KIF2A: variants seen among roughly 807,000 people sequenced by gnomAD.
KIF2A encodes the protein kinesin-like protein KIF2A.
In KIF2A, 22 loss-of-function variants were observed where a neutral mutation model predicts 100.2. The ratio of observed to expected loss-of-function variants is 0.22; its 90% CI spans 0.16 to 0.31. The LOEUF is 0.31. Ranked by LOEUF, KIF2A falls within the 10% of genes least tolerant of loss-of-function variation. The pLI, the probability that KIF2A is intolerant of heterozygous loss-of-function variation, is 1.00. For synonymous variants in KIF2A, 268 were observed against 285.9 expected (o/e 0.94, Z 0.63); for missense variants, 495 against 898.7 (o/e 0.55, Z 5.74).
chr5:62,341,583 T>G (rs1490782401), intron 1 of KIF2A, among the ~76,000 whole-genome samples: 3 of 152,164 alleles, frequency 2.0e-5, no homozygotes, highest in Non-Finnish European at 4.4e-5. Context: ...ATCACAGGTG[T>G]GAGCCACTGT....
intron 1 of KIF2A, among the ~76,000 whole-genome samples, chr5:62,312,552 T>G (rs7446543): frequency 0.056 from 8,504 of 152,322 alleles, 329 homozygotes; most frequent in East Asian, 0.13. Context: ...TTGTTTGTTT[T>G]GAGATTACGA....
intron 6 of KIF2A, among the ~76,000 whole-genome samples, chr5:62,353,624 G>A (rs1747961164): frequency 6.6e-6 from 1 of 152,080 alleles, no homozygotes; most frequent in Admixed American, 6.5e-5. Flanking sequence ...TTAAGAAAAA[G>A]CCATTGTGTT....
At position 62,306,215 on chromosome 5, in the gene KIF2A, C is replaced by T; in HGVS notation, c.-258C>T. The T allele has an allele frequency of 2.2e-6, 1 of 451,384 alleles. No individual in the cohort carries two copies. The highest frequency in any genetic ancestry group is 4.0e-5 in the East Asian group (1 of 24,870). 28.0% of individuals were successfully genotyped at this position (451,384 alleles called of 1,614,324 possible). ...CGGTGCGGGCCCTCCCACTCTACCC[C>T]GCGCCGTCTCACGGCCCCGGCCCTA... is the stretch of plus-strand genomic sequence containing the variant. On this transcript the variant is annotated 5_prime_UTR_variant, in exon 1 of 21. Transcript: ENST00000407818.
intron 4 of KIF2A, among the ~76,000 whole-genome samples, chr5:62,350,689 A>C (rs769183504): frequency 1.2e-4 from 19 of 152,022 alleles, no homozygotes; most frequent in Non-Finnish European, 2.8e-4. Flanking sequence ...AGGCGGGTGG[A>C]TCACCTGAGG....
At chr5:62,347,009 C>T (rs2111906503) in intron 1 of KIF2A, 121 bp from the exon 2 acceptor site, 1 of 613,546 alleles carries the variant, frequency 1.6e-6, no homozygotes, top group East Asian at 3.1e-5. Flanking sequence ...GTGGAAATCT[C>T]TTGTAAGGAA....
At chr5:62,310,142 C>T (rs983754419) in intron 1 of KIF2A, among the ~76,000 whole-genome samples, 4 of 150,604 alleles carry the variant, frequency 2.7e-5, no homozygotes, top group African/African-American at 9.8e-5. Context: ...CAACCTCTGC[C>T]TCCCAGGTTC....
chr5:62,350,774 A>ATTG (rs1387020598), intron 4 of KIF2A, among the ~76,000 whole-genome samples: 1 of 151,738 alleles, frequency 6.6e-6, no homozygotes, highest in East Asian at 2.0e-4. Context: ...TTAGCCAGGC[A>ATTG]TGGTGGCAGT....
chr5:62,350,537 A>C (rs1442477955), intron 4 of KIF2A, among the ~76,000 whole-genome samples: 2 of 151,912 alleles, frequency 1.3e-5, no homozygotes, highest in African/African-American at 4.8e-5. Context: ...GGCCTCCCAA[A>C]GTGTTGGGAT....
intron 2 of KIF2A, 51 bp downstream of exon 2, chr5:62,347,275 A>G: frequency 1.1e-6 from 1 of 938,120 alleles, no homozygotes; most frequent in Non-Finnish European, 1.7e-6. Flanking sequence ...CAAGATTCTG[A>G]ATATAAAACA....
chr5:62,323,703 G>T (rs959434018), intron 1 of KIF2A, among the ~76,000 whole-genome samples: 2 of 152,050 alleles, frequency 1.3e-5, no homozygotes, highest in South Asian at 4.1e-4. Flanking sequence ...AATGTAGGGG[G>T]TTATCATCTA....
chr5:62,363,630 T>G (rs1008566818), intron 13 of KIF2A, 65 bp from the exon 14 acceptor site: 23 of 1,366,030 alleles, frequency 1.7e-5, no homozygotes, highest in Non-Finnish European at 2.0e-5. Context: ...TTAATGAAAA[T>G]AATGTGGTTT....
At chr5:62,322,701 T>C (rs1001112890) in intron 1 of KIF2A, among the ~76,000 whole-genome samples, 3 of 152,112 alleles carry the variant, frequency 2.0e-5, no homozygotes, top group African/African-American at 7.2e-5. Context: ...TGGGAAACGG[T>C]TGCCTTTTAT....
intron 1 of KIF2A, among the ~76,000 whole-genome samples, chr5:62,334,783 C>T (rs572434162): frequency 6.6e-6 from 1 of 152,202 alleles, no homozygotes; most frequent in South Asian, 2.1e-4. Context: ...ATCTGCACAC[C>T]CAGCCACACA....
chr5:62,356,783 C>A, intron 7 of KIF2A, among the ~76,000 whole-genome samples: 1 of 148,184 alleles, frequency 6.7e-6, no homozygotes. Flanking sequence ...GTGGATAATA[C>A]AGCTTTTTTT....
At chr5:62,319,878 GATAT>G (rs1279504144) in intron 1 of KIF2A, among the ~76,000 whole-genome samples, 2 of 151,984 alleles carry the variant, frequency 1.3e-5, no homozygotes, top group Non-Finnish European at 2.9e-5. Flanking sequence ...GTTCCAAAAT[GATAT>G]ATATGTATGT....
chr5:62,312,941 G>A (rs1745624149), intron 1 of KIF2A, among the ~76,000 whole-genome samples: 1 of 152,160 alleles, frequency 6.6e-6, no homozygotes, highest in Non-Finnish European at 1.5e-5. Flanking sequence ...TCATTCACTA[G>A]GGTGTGTGAT....
At chr5:62,379,158 G>A (rs1186312669) in intron 19 of KIF2A, among the ~76,000 whole-genome samples, 2 of 152,072 alleles carry the variant, frequency 1.3e-5, no homozygotes, top group African/African-American at 2.4e-5. Context: ...TTGGAACAAG[G>A]TATCCTATAA....
At chr5:62,343,992 G>A (rs1202545014) in intron 1 of KIF2A, among the ~76,000 whole-genome samples, 1 of 152,164 alleles carries the variant, frequency 6.6e-6, no homozygotes, top group Non-Finnish European at 1.5e-5. Context: ...ATCTGACCAA[G>A]GTTTAGACCC....
At chr5:62,337,018 T>C (rs1481815461) in intron 1 of KIF2A, among the ~76,000 whole-genome samples, 1 of 151,964 alleles carries the variant, frequency 6.6e-6, no homozygotes, top group Non-Finnish European at 1.5e-5. Flanking sequence ...AATATAATTA[T>C]GAAAACAATA....
Sources: allele counts gnomAD v4.1 joint callset (sites outside exome capture counted in the v4.1 genomes callset), GRCh38; gene constraint gnomAD v4.1.1; transcripts MANE v1.5; gene names NCBI Gene and HGNC (gene_info 2026-07-23, HGNC 2026-07-21).